WDR33: variants seen among roughly 807,000 people sequenced by gnomAD.
WDR33 encodes pre-mRNA 3' end processing protein WDR33.
In WDR33, 47 loss-of-function variants were observed where a neutral mutation model predicts 164.9. The ratio of observed to expected loss-of-function variants is 0.29; its 90% CI spans 0.23 to 0.36. The LOEUF (loss-of-function observed/expected upper bound fraction) is 0.36, where lower values mean the gene tolerates loss of function less well. WDR33 is among the 10% of genes least tolerant of loss of function. The pLI, the probability that WDR33 is intolerant of heterozygous loss-of-function variation, is 1.00. For missense variants in WDR33, 1,137 were observed against 1,754.1 expected (o/e 0.65, Z 6.28); for synonymous variants, 505 against 589.0 (o/e 0.86, Z 2.06).
At chr2:127,760,390 G>A (rs1336496061) in intron 7 of WDR33, among the ~76,000 whole-genome samples, 1 of 152,108 alleles carries the variant, frequency 6.6e-6, no homozygotes, top group Non-Finnish European at 1.5e-5. Flanking sequence ...CTTAATAAAG[G>A]GCAACTGATA....
rs1686024687 is a variant in WDR33 at position 127,706,704 on chromosome 2, C to T, written c.3782-152G>A. ...GGTATTCAGCGTACTGAGAGGTGTGCCTCTACCCTTTCCTGACCCTGCCTC... is the reference window on the plus strand; with the variant it reads ...GGTATTCAGCGTACTGAGAGGTGTGTCTCTACCCTTTCCTGACCCTGCCTC... On this transcript the variant is annotated intron_variant, in intron 21 of 21. Coordinates refer to ENST00000322313, the MANE Select transcript of WDR33 (RefSeq NM_018383.5). This position sits in a 1 kb window ranked among gnomAD's most constrained non-coding sequence, Gnocchi z 5.1. 7 of 704,420 alleles carry T rather than the reference C, an allele frequency of 9.9e-6. No homozygotes were observed. Among genetic ancestry groups the T allele is most frequent in the Non-Finnish European group, 1.4e-5 (6 of 444,372 alleles). 43.6% of individuals were successfully genotyped at this position (704,420 alleles called of 1,614,324 possible). A position where few individuals can be genotyped will look rare whatever the true frequency, so the allele number is the denominator to read the frequency against.
At position 127,725,044 on chromosome 2, in the gene WDR33, A is replaced by G. The variant is rs754972774; in HGVS notation, c.1006+17T>C. 7.4e-6 allele frequency: 12 copies of G among 1,614,040 alleles called. No individual in the cohort carries two copies. Among genetic ancestry groups the G allele is most frequent in the Admixed American group, 5.0e-5 (3 of 60,008 alleles). ...CAGGTAACAGTGGTCAATGAGAAGC[A>G]TATCACAGCCACTGACCTGTGGCTT... On this transcript the variant is annotated intron_variant, in intron 9 of 21. Transcript: ENST00000322313.
At chr2:127,727,472 C>T (rs948602615) in intron 7 of WDR33, among the ~76,000 whole-genome samples, 1 of 151,984 alleles carries the variant, frequency 6.6e-6, no homozygotes. Flanking sequence ...CTCCATTTTA[C>T]AAGTGAAGAA....
At position 127,701,401 on chromosome 2, in the gene WDR33, T is replaced by C; in HGVS notation, c.*4922A>G. 1 of 971,670 alleles carries C rather than the reference T, an allele frequency of 1.0e-6. No homozygotes were observed. Among genetic ancestry groups the C allele is most frequent in the Non-Finnish European group, 1.3e-6 (1 of 754,146 alleles). The allele number at this position is 971,670 out of a possible 1,614,324, so 60.2% of individuals were successfully genotyped here. A position where few individuals can be genotyped will look rare whatever the true frequency, so the allele number is the denominator to read the frequency against. Reference sequence around the variant, plus strand: ...GTCCGCAGAGCAGGCACCGCGGCACTTCCGCGAGCGCCGCAGGCCCTGCCC... The same window carrying C: ...GTCCGCAGAGCAGGCACCGCGGCACCTCCGCGAGCGCCGCAGGCCCTGCCC... On this transcript the variant is annotated 3_prime_UTR_variant, in exon 22 of 22. Transcript: ENST00000322313.
In WDR33 at chr2:127,724,228, T is replaced by G. The variant is rs1360093438; in HGVS notation, c.1196+105A>C. ...CTACAAAAATATTCCCAAGAATAAG[T>G]TGGAATATAAATTACTATATCAATC... On this transcript the variant is annotated intron_variant, in intron 11 of 21. Transcript: ENST00000322313. The surrounding 1 kb of genome is among the most constrained non-coding windows in gnomAD (Gnocchi z 4.8). The G allele has an allele frequency of 2.5e-6, 2 of 799,372 alleles. No homozygotes were observed. 49.5% of individuals were successfully genotyped at this position (799,372 alleles called of 1,614,324 possible).
chr2:127,756,618 T>A (rs1687528889), intron 7 of WDR33, among the ~76,000 whole-genome samples: 1 of 152,114 alleles, frequency 6.6e-6, no homozygotes, highest in African/African-American at 2.4e-5. Flanking sequence ...GGTAACTAAT[T>A]CATCAGAACA....
At position 127,811,080 on chromosome 2, in the gene WDR33, CTT is replaced by C. The variant is rs1410248132; in HGVS notation, c.-94_-93del. 6.5e-6 allele frequency: 1 copy of C among 152,728 alleles called. No homozygotes were observed. Among genetic ancestry groups the C allele is most frequent in the Non-Finnish European group, 1.5e-5 (1 of 68,068 alleles). 9.5% of individuals were successfully genotyped at this position (152,728 alleles called of 1,614,324 possible). On this transcript the variant is annotated 5_prime_UTR_variant, in exon 1 of 22. Coordinates refer to ENST00000322313, the MANE Select transcript of WDR33 (RefSeq NM_018383.5). This position sits in a 1 kb window ranked among gnomAD's most constrained non-coding sequence, Gnocchi z 4.1. ...CGCCTTCAGAGCCAGAAATGTCTCTCTTGTTTGGTCTCCCCACCCCGATCCTC... is the reference window on the plus strand; with the variant it reads ...CGCCTTCAGAGCCAGAAATGTCTCTCGTTTGGTCTCCCCACCCCGATCCTC...
At chr2:127,799,516 T>C (rs1419073682) in intron 1 of WDR33, among the ~76,000 whole-genome samples, 2 of 152,140 alleles carry the variant, frequency 1.3e-5, no homozygotes, top group Non-Finnish European at 2.9e-5. Context: ...ATATACAGGC[T>C]GGACACGGTG....
At chr2:127,739,987 A>G (rs1686964663) in intron 7 of WDR33, among the ~76,000 whole-genome samples, 1 of 152,244 alleles carries the variant, frequency 6.6e-6, no homozygotes, top group South Asian at 2.1e-4. Context: ...TCTCAGAACT[A>G]GAAAACACAA....
rs1686880765 is a variant in WDR33 at position 127,737,482 on chromosome 2, C to T, written c.725-10705G>A. On this transcript the variant is annotated intron_variant, in intron 7 of 21. Coordinates refer to ENST00000322313, the MANE Select transcript of WDR33 (RefSeq NM_018383.5). ...ACAGTCAAGAAAAGCAGTATATAGT[C>T]ATCACTTGAAAAGCTAGAAAAGTGC... 4 of 986,080 alleles carry T rather than the reference C, an allele frequency of 4.1e-6. No homozygotes were observed. In the African/African-American group the frequency reaches 7.0e-5, roughly 17 times the overall value. The allele number at this position is 986,080 out of a possible 1,614,324, so 61.1% of individuals were successfully genotyped here.
chr2:127,731,857 C>T (rs2533422), intron 7 of WDR33, among the ~76,000 whole-genome samples: 1 of 152,068 alleles, frequency 6.6e-6, no homozygotes, highest in East Asian at 1.9e-4. Flanking sequence ...AGGCTGAGGC[C>T]GAAGAATTCC....
intron 7 of WDR33, among the ~76,000 whole-genome samples, chr2:127,753,427 A>G (rs1687429163): frequency 6.6e-6 from 1 of 152,238 alleles, no homozygotes; most frequent in Non-Finnish European, 1.5e-5. Flanking sequence ...TGAAATAACC[A>G]CTTTTATCCT....
chr2:127,717,082 C>T lies in WDR33; in HGVS notation c.2869+73G>A. The T allele has an allele frequency of 6.7e-7, 1 of 1,488,190 alleles. No homozygotes were observed. The highest frequency in any genetic ancestry group is 9.2e-7 in the Non-Finnish European group (1 of 1,089,220). The allele number at this position is 1,488,190 out of a possible 1,614,324, so 92.2% of individuals were successfully genotyped here. The stretch of plus-strand genomic sequence containing the variant: ...GACCAGTCTATCAATGACTGGCCAA[C>T]AAAATTATTCACTGTAAAATGTGCA... On this transcript the variant is annotated intron_variant, in intron 17 of 21. Transcript: ENST00000322313. This position sits in a 1 kb window ranked among gnomAD's most constrained non-coding sequence, Gnocchi z 5.6.
chr2:127,779,244 G>A (rs1473588477), intron 1 of WDR33, among the ~76,000 whole-genome samples: 1 of 151,934 alleles, frequency 6.6e-6, no homozygotes, highest in Non-Finnish European at 1.5e-5. Context: ...AAGGCAGATG[G>A]ATCACTTGAG....
intron 7 of WDR33, among the ~76,000 whole-genome samples, chr2:127,752,790 A>G (rs953056258): frequency 6.6e-6 from 1 of 152,216 alleles, no homozygotes; most frequent in African/African-American, 2.4e-5. Context: ...TAAAGGGAAG[A>G]GGTCATGTCT....
At chr2:127,775,699 A>T (rs1027435939) in intron 1 of WDR33, among the ~76,000 whole-genome samples, 1 of 152,256 alleles carries the variant, frequency 6.6e-6, no homozygotes. Context: ...TTAAAGCTAC[A>T]GAAAAATATC....
Position 127,722,318 on chromosome 2 carries a change from A to G in WDR33, c.1518+273T>C, listed in dbSNP as rs2405211. Among the ~76,000 whole-genome samples, 20,079 of 152,180 alleles carry G rather than the reference A, an allele frequency of 0.13. 1,448 individuals are homozygous for G. The highest frequency in any genetic ancestry group is 0.25 in the South Asian group (1,214 of 4,830). ...ATAAACAATGGAGAAGAGAAGCAAC[A>G]TACTCCCATACTCCCTCTGCTCCAT... On this transcript the variant is annotated intron_variant, in intron 14 of 21. Transcript: ENST00000322313. This position sits in a 1 kb window ranked among gnomAD's most constrained non-coding sequence, Gnocchi z 5.1.
intron 7 of WDR33, 120 bp downstream of exon 7, chr2:127,762,942 G>A (rs555927332): frequency 5.4e-5 from 81 of 1,506,164 alleles, no homozygotes; most frequent in Middle Eastern, 3.8e-4. Flanking sequence ...AGCCTGAGAC[G>A]GTGTGTATAT....
Position 127,805,237 on chromosome 2 carries a change from C to A in WDR33, c.-24+5775G>T, listed in dbSNP as rs546562836. On this transcript the variant is annotated intron_variant, in intron 1 of 21. Transcript: ENST00000322313. ...GGACTACAGGCGCAGGCCACCAAAC[C>A]CAGCATTTTTTTTTCTTTTTTTAAA... 6.3e-4 allele frequency among the ~76,000 whole-genome samples: 95 copies of A among 151,766 alleles called. 1 individual carries two copies. In the South Asian group the frequency reaches 0.019, roughly 30 times the overall value.
Sources: allele counts gnomAD v4.1 joint callset (sites outside exome capture counted in the v4.1 genomes callset), GRCh38; gene constraint gnomAD v4.1.1; non-coding constraint Gnocchi (gnomAD v3.1); transcripts MANE v1.5; gene names NCBI Gene and HGNC (gene_info 2026-07-23, HGNC 2026-07-21).